Variants in FRMPD4 observed in about 807,000 individuals in gnomAD.
FRMPD4 encodes FERM and PDZ domain-containing protein 4.
FRMPD4 carries 22 observed loss-of-function variants against 94.1 expected under a neutral mutation model. The observed-to-expected ratio is 0.23, with a 90% CI of 0.17 to 0.33. The LOEUF is 0.33. Ranked by LOEUF, FRMPD4 falls within the 10% of genes least tolerant of loss-of-function variation. The probability of loss-of-function intolerance (pLI) is 1.00; values close to 1 mark genes in which losing one functional copy is unlikely to be tolerated. For synonymous variants in FRMPD4, 631 were observed against 548.6 expected, an observed-to-expected ratio of 1.15 and a Z score of -2.10; for missense variants, 1,111 against 1,339.9, an observed-to-expected ratio of 0.83 and a Z score of 2.67.
chrX:12,070,936 A>G (rs2054962074), intron 3 of FRMPD4, among the ~76,000 whole-genome samples: 2 of 112,268 alleles, frequency 1.8e-5, no homozygotes, highest in South Asian at 3.7e-4. Context: ...TGTCATTAAG[A>G]TCTTTCAGGG....
chrX:12,130,021 G>A (rs896578159), intron 3 of FRMPD4, among the ~76,000 whole-genome samples: 15 of 109,805 alleles, frequency 1.4e-4, no homozygotes, highest in African/African-American at 3.0e-4. Flanking sequence ...TTAACCCTCT[G>A]CATCAATTAG....
chrX:12,713,430 C>T (rs7888566), intron 14 of FRMPD4, among the ~76,000 whole-genome samples: 8,081 of 110,204 alleles, frequency 0.073, 719 homozygotes, highest in African/African-American at 0.25. Flanking sequence ...TCATTTCTCC[C>T]GGTTTCAAAT....
At position 11,855,044 on chromosome X, in the gene FRMPD4, G is replaced by A. The variant is rs1185479952; in HGVS notation, c.-160-10042G>A. On this transcript the variant is annotated intron_variant, in intron 1 of 18. Transcript: ENST00000640291. ...ATTTCCATATATCCTCTGAAATCTA[G>A]GTAGAGGTACTTACAACTTAATTCT... Among the ~76,000 whole-genome samples the A allele has an allele frequency of 4.5e-5, 5 of 112,204 alleles. No homozygotes were observed. The East Asian group carries it at 1.4e-3, about 32-fold the overall frequency.
chrX:12,450,775 T>TTGA (rs1464181336), intron 1 of FRMPD4, among the ~76,000 whole-genome samples: 10 of 107,897 alleles, frequency 9.3e-5, no homozygotes, highest in African/African-American at 3.4e-4. Context: ...GATAGAATGT[T>TTGA]TGATGGGGAC....
chrX:12,023,605 C>A (rs1425711399), intron 3 of FRMPD4, among the ~76,000 whole-genome samples: 1 of 111,984 alleles, frequency 8.9e-6, no homozygotes. Flanking sequence ...TGTCTTCATG[C>A]AAAGAACAGT....
At chrX:12,468,219 T>TG (rs201079255) in intron 1 of FRMPD4, among the ~76,000 whole-genome samples, 1,505 of 112,377 alleles carry the variant, frequency 0.013, 19 homozygotes, top group African/African-American at 0.043. Context: ...CCTTACTTTA[T>TG]TTTTAGCAGC....
chrX:12,230,327 C>T (rs2056969805), intron 1 of FRMPD4, among the ~76,000 whole-genome samples: 2 of 111,500 alleles, frequency 1.8e-5, no homozygotes, highest in South Asian at 7.5e-4. Context: ...CAAACATGAC[C>T]ATGCCAGTAA....
intron 1 of FRMPD4, among the ~76,000 whole-genome samples, chrX:12,368,126 G>A (rs778461878): frequency 8.9e-6 from 1 of 112,182 alleles, no homozygotes; most frequent in Non-Finnish European, 1.9e-5. Flanking sequence ...ACAGGAGAGT[G>A]TGGTGGTGAA....
At chrX:12,614,234 C>T (rs930174968) in intron 3 of FRMPD4, 1 of 112,150 alleles carries the variant, frequency 8.9e-6, no homozygotes, top group Non-Finnish European at 1.9e-5. Flanking sequence ...CGATTCCCCA[C>T]AGTATGCTGT....
chrX:11,893,761 A>C, intron 3 of FRMPD4, among the ~76,000 whole-genome samples: 1 of 111,428 alleles, frequency 9.0e-6, no homozygotes, highest in Non-Finnish European at 1.9e-5. Context: ...CCTAGGTGCA[A>C]CTACCATCCA....
chrX:12,315,022 T>C lies in FRMPD4; in HGVS notation c.41+176010T>C, dbSNP rs548864183. 1.9e-4 allele frequency among the ~76,000 whole-genome samples: 21 copies of C among 112,474 alleles called. No homozygotes were observed. The South Asian group carries it at 5.5e-3, about 30-fold the overall frequency. On this transcript the variant is annotated intron_variant, in intron 1 of 16. Coordinates refer to ENST00000675598, the MANE Select transcript of FRMPD4 (RefSeq NM_001368397.1). The stretch of plus-strand genomic sequence containing the variant: ...ATGCTTTATCTTTAATGTGCAGGCA[T>C]TTGAGTAAACACCATGGATCAGCAA...
At chrX:12,444,411 T>C (rs2057172344) in intron 1 of FRMPD4, among the ~76,000 whole-genome samples, 1 of 108,906 alleles carries the variant, frequency 9.2e-6, no homozygotes, top group Non-Finnish European at 1.9e-5. Flanking sequence ...GACATTTTCT[T>C]ATGAGAATGA....
chrX:12,025,555 A>G (rs911181515), intron 3 of FRMPD4, among the ~76,000 whole-genome samples: 3 of 111,733 alleles, frequency 2.7e-5, no homozygotes, highest in Admixed American at 9.5e-5. Context: ...AATTGCTTCT[A>G]ATGAATCTAT....
At chrX:12,415,579 A>G (rs1285901489) in intron 1 of FRMPD4, among the ~76,000 whole-genome samples, 1 of 111,990 alleles carries the variant, frequency 8.9e-6, no homozygotes, top group Non-Finnish European at 1.9e-5. Context: ...AGATTGATTC[A>G]CAAGGCTCTC....
chrX:12,241,546 G>T, intron 1 of FRMPD4, among the ~76,000 whole-genome samples: 1 of 111,905 alleles, frequency 8.9e-6, no homozygotes. Context: ...CTACTCTGGT[G>T]AGTGTCAGAC....
intron 3 of FRMPD4, among the ~76,000 whole-genome samples, chrX:12,026,884 G>A (rs1402696267): frequency 8.9e-6 from 1 of 112,294 alleles, no homozygotes; most frequent in Non-Finnish European, 1.9e-5. Flanking sequence ...AGCGTGTAAT[G>A]GTGTAGGATT....
At chrX:12,154,175 A>G (rs1441767456) in intron 1 of FRMPD4, among the ~76,000 whole-genome samples, 1 of 112,988 alleles carries the variant, frequency 8.9e-6, no homozygotes, top group African/African-American at 3.2e-5. Context: ...ACCTTTAGAT[A>G]ATACAACTTT....
intron 14 of FRMPD4, among the ~76,000 whole-genome samples, chrX:12,712,343 G>A (rs185084430): frequency 2.7e-5 from 3 of 111,403 alleles, no homozygotes; most frequent in Middle Eastern, 4.6e-3. Flanking sequence ...GAGCACAGGA[G>A]TTTGAGATCA....
chrX:12,258,546 G>C (rs1310963195), intron 1 of FRMPD4, among the ~76,000 whole-genome samples: 2 of 111,052 alleles, frequency 1.8e-5, no homozygotes, highest in Non-Finnish European at 3.8e-5. Context: ...CCCAGTCTCA[G>C]GTATTCTGTT....
Sources: gnomAD v4.1 joint callset for allele counts (sites outside exome capture counted in the v4.1 genomes callset) on GRCh38, gnomAD v4.1.1 for gene constraint, MANE v1.5 for transcripts, NCBI Gene and HGNC (gene_info 2026-07-23, HGNC 2026-07-21) for gene names.